The following SEMA4G variants were observed in gnomAD, a reference collection of about 807,000 sequenced individuals.
The protein encoded by SEMA4G is semaphorin 4G.
SEMA4G carries 59 observed loss-of-function variants against 81.2 expected under a neutral mutation model. The observed-to-expected ratio is 0.73, with a 90% CI of 0.59 to 0.90. The LOEUF (loss-of-function observed/expected upper bound fraction) is 0.90. Among genes scored for constraint, SEMA4G ranks in the 40% least tolerant of loss-of-function variants. SEMA4G has a pLI of 0.00. For synonymous variants in SEMA4G, 404 were observed against 433.9 expected (o/e 0.93, Z 0.86); for missense variants, 952 against 1,102.3 (o/e 0.86, Z 1.93).
exon 14 of SEMA4G, chr10:100,983,384 G>A (rs1245506254): frequency 6.2e-7 from 1 of 1,610,548 alleles, no homozygotes; most frequent in Non-Finnish European, 8.5e-7. Context: ...CATCCAACCT[G>A]GCCCGGGCCT....
chr10:100,978,795 G>C, intron 6 of SEMA4G, 54 bp from the exon 8 acceptor site: 1 of 1,596,726 alleles, frequency 6.3e-7, no homozygotes, highest in Non-Finnish European at 8.6e-7. Context: ...CTCAGAGTGA[G>C]GGAAAGGAAT....
chr10:100,984,156 C>G (rs769527048), exon 14 of SEMA4G: 1 of 1,581,644 alleles, frequency 6.3e-7, no homozygotes, highest in East Asian at 2.2e-5. Context: ...AACAAATGCT[C>G]TTCCAAGCCA....
chr10:100,969,649 G>A (rs1254904034), upstream of SEMA4G: 1 of 327,324 alleles, frequency 3.1e-6, no homozygotes, highest in African/African-American at 2.2e-5. Flanking sequence ...CTGCGGGCCG[G>A]GGGTCGGGCA....
chr10:100,977,866 C>A, intron 4 of SEMA4G, 136 bp downstream of exon 5: 1 of 718,302 alleles, frequency 1.4e-6, no homozygotes. Flanking sequence ...ACAGGGCACT[C>A]CAGTGGCGGC....
At chr10:100,975,818 T>G (rs1285607562) in intron 3 of SEMA4G, among the ~76,000 whole-genome samples, 1 of 152,080 alleles carries the variant, frequency 6.6e-6, no homozygotes, top group Non-Finnish European at 1.5e-5. Context: ...GAGAATCTCT[T>G]GAACCCGGGA....
At chr10:100,976,397 T>C (rs1023618842) in intron 3 of SEMA4G, among the ~76,000 whole-genome samples, 2 of 152,198 alleles carry the variant, frequency 1.3e-5, no homozygotes, top group Non-Finnish European at 2.9e-5. Context: ...CTCACTCTGT[T>C]GCCCAGGCTG....
exon 14 of SEMA4G, chr10:100,984,548 G>A: frequency 2.6e-6 from 4 of 1,536,174 alleles, no homozygotes; most frequent in Non-Finnish European, 3.5e-6. Flanking sequence ...GGCCCTGTGT[G>A]CTGGATGGTC....
At chr10:100,981,509 T>A in intron 13 of SEMA4G, 1 of 1,614,186 alleles carries the variant, frequency 6.2e-7, no homozygotes, top group Non-Finnish European at 8.5e-7. Flanking sequence ...GTAATGGGTA[T>A]TTCCCCAAGG....
upstream of SEMA4G, among the ~76,000 whole-genome samples, chr10:100,972,224 C>A (rs745690121): frequency 6.6e-6 from 1 of 152,176 alleles, no homozygotes; most frequent in Non-Finnish European, 1.5e-5. Context: ...AGCAGGCATT[C>A]TCTCCAAGAA....
At chr10:100,969,756 G>T, upstream of SEMA4G, 1 of 424,342 alleles carries the variant, frequency 2.4e-6, no homozygotes, top group East Asian at 7.2e-5. Context: ...AGGGGCGCGG[G>T]CCAGGCCTCG....
intron 7 of SEMA4G, 25 bp downstream of exon 8, chr10:100,979,043 C>G (rs369506663): frequency 6.2e-7 from 1 of 1,613,116 alleles, no homozygotes; most frequent in South Asian, 1.1e-5. Context: ...CGTTGGGGCA[C>G]GGGTATAGAG....
intron 13 of SEMA4G, 25 bp from the exon 15 acceptor site, chr10:100,983,280 C>G: frequency 6.6e-7 from 1 of 1,504,390 alleles, no homozygotes; most frequent in South Asian, 1.3e-5. Context: ...CGGGCTGGTA[C>G]TGACCTCTCC....
upstream of SEMA4G, chr10:100,969,777 G>A (rs1850577316): frequency 4.6e-6 from 2 of 437,326 alleles, no homozygotes; most frequent in Non-Finnish European, 9.4e-6. Flanking sequence ...GGCTGCGCGG[G>A]GTGCAAACCG....
chr10:100,978,451 G>T, intron 5 of SEMA4G, 63 bp downstream of exon 6: 1 of 1,596,258 alleles, frequency 6.3e-7, no homozygotes, highest in Non-Finnish European at 8.6e-7. Flanking sequence ...TCATCTCTAG[G>T]ACCTGCCACC....
At chr10:100,976,805 C>T (rs894325823) in intron 3 of SEMA4G, among the ~76,000 whole-genome samples, 10 of 152,152 alleles carry the variant, frequency 6.6e-5, no homozygotes, top group African/African-American at 2.4e-4. Context: ...TTTGTACTTT[C>T]TAAGTTTTAT....
In SEMA4G at chr10:100,973,253, C is replaced by T; in HGVS notation, c.249C>T (p.Asp83=). Residue 83 remains aspartate, a synonymous_variant, in exon 2 of 14, where the codon GAC becomes GAT. Coordinates refer to ENST00000370250, the Ensembl canonical transcript of SEMA4G. The surrounding 1 kb of genome is among the most constrained non-coding windows in gnomAD (Gnocchi z 5.5). ...CCCTGTTCTCTCTCAGTGCCAACGACATAGGAGATGGGGCTCACAAAGAGG... is the reference window on the plus strand; with the variant it reads ...CCCTGTTCTCTCTCAGTGCCAACGATATAGGAGATGGGGCTCACAAAGAGG... 1 of 1,613,322 alleles carries T rather than the reference C, an allele frequency of 6.2e-7. No individual in the cohort carries two copies. The highest frequency in any genetic ancestry group is 8.5e-7 in the Non-Finnish European group (1 of 1,180,022).
At chr10:100,978,305 C>T in exon 5 of SEMA4G, 1 of 1,612,854 alleles carries the variant, frequency 6.2e-7, no homozygotes, top group Non-Finnish European at 8.5e-7. Flanking sequence ...GATGCTGAGG[C>T]CTTCACCTTG....
At position 100,981,336 on chromosome 10, in the gene SEMA4G, A is replaced by G. The variant is rs994450797; in HGVS notation, c.1690+107A>G. Reference sequence around the variant, plus strand: ...TATCTGAGTGGCTGTGGCTATGTACATTTGGTAAGGATGACTCAAACACAG... The same window carrying G: ...TATCTGAGTGGCTGTGGCTATGTACGTTTGGTAAGGATGACTCAAACACAG... On this transcript the variant is annotated intron_variant, in intron 13 of 13. Transcript: ENST00000370250. The G allele has an allele frequency of 3.7e-6, 6 of 1,602,496 alleles. No homozygotes were observed. The East Asian group carries it at 1.1e-4, about 30-fold the overall frequency.
Position 100,984,081 on chromosome 10 carries a change from A to T in SEMA4G, c.2467A>T (p.Lys823Ter). 1 of 1,613,684 alleles carries T rather than the reference A, an allele frequency of 6.2e-7. No individual in the cohort carries two copies. The highest frequency in any genetic ancestry group is 8.5e-7 in the Non-Finnish European group (1 of 1,179,986). The change falls in exon 14 of 14, where the codon AAA (lysine) becomes TAA (stop). Residue 823 changes from lysine (K) to a stop codon, truncating the protein, a stop_gained. Coordinates refer to ENST00000370250, the Ensembl canonical transcript of SEMA4G. LOFTEE classifies it high-confidence loss of function. ...CGAGGAACTCAGCCGCATCCTGGAA[A>T]AAAGGAAGCACACGCAGCTCGTGGA...
Sources: gnomAD v4.1 joint callset for allele counts (sites outside exome capture counted in the v4.1 genomes callset) on GRCh38, gnomAD v4.1.1 for gene constraint, Gnocchi (gnomAD v3.1) non-coding constraint, MANE v1.5 for transcripts, NCBI Gene and HGNC (gene_info 2026-07-23, HGNC 2026-07-21) for gene names.